EMID1: variants seen among roughly 807,000 people sequenced by gnomAD.
The protein encoded by EMID1 is EMI domain-containing protein 1.
Under a neutral mutation model 60.6 loss-of-function variants are expected in EMID1, and 40 were observed. The ratio of observed to expected loss-of-function variants is 0.66; its 90% CI spans 0.51 to 0.86. The LOEUF (loss-of-function observed/expected upper bound fraction) is 0.86. Ranked by LOEUF, EMID1 falls within the 40% of genes least tolerant of loss-of-function variation. The pLI is 0.00. For synonymous variants in EMID1, 242 were observed against 231.0 expected (o/e 1.05, Z -0.43); for missense variants, 585 against 597.1 (o/e 0.98, Z 0.21).
intron 13 of EMID1, among the ~76,000 whole-genome samples, chr22:29,252,007 C>T (rs1006891616): frequency 6.6e-6 from 1 of 152,162 alleles, no homozygotes; most frequent in African/African-American, 2.4e-5. Flanking sequence ...TGGGGTCTTG[C>T]TATGTTGCCC....
At chr22:29,225,239 G>A in intron 4 of EMID1, 23 bp downstream of exon 4, 2 of 1,612,326 alleles carry the variant, frequency 1.2e-6, no homozygotes, top group East Asian at 2.2e-5. Flanking sequence ...ATAGCTTCTT[G>A]AGGTCCCCCT....
At chr22:29,212,067 C>T (rs1397779402) in intron 1 of EMID1, among the ~76,000 whole-genome samples, 1 of 152,096 alleles carries the variant, frequency 6.6e-6, no homozygotes, top group Non-Finnish European at 1.5e-5. Flanking sequence ...CTCACTGCAA[C>T]CTCTGCCTCC....
intron 2 of EMID1, 138 bp from the exon 3 acceptor site, chr22:29,215,389 G>T (rs1424361263): frequency 7.1e-6 from 9 of 1,266,592 alleles, no homozygotes; most frequent in African/African-American, 1.5e-5. Context: ...ATCCCAAAAT[G>T]CAGGAGAGAG....
chr22:29,215,212 C>T, intron 2 of EMID1, 173 bp downstream of exon 2: 5 of 985,452 alleles, frequency 5.1e-6, no homozygotes, highest in Non-Finnish European at 6.0e-6. Context: ...GCTGTTGAAG[C>T]ACCCTGGAGG....
intron 12 of EMID1, among the ~76,000 whole-genome samples, chr22:29,236,170 G>A (rs1036056183): frequency 6.6e-6 from 1 of 152,092 alleles, no homozygotes; most frequent in Admixed American, 6.6e-5. Flanking sequence ...AAGGCAGGAG[G>A]ATCACTTGAA....
At chr22:29,220,496 G>A (rs1342392334) in intron 3 of EMID1, among the ~76,000 whole-genome samples, 2 of 152,046 alleles carry the variant, frequency 1.3e-5, no homozygotes, top group Non-Finnish European at 2.9e-5. Flanking sequence ...TTCCTTGCAG[G>A]AGACCTGGAC....
Position 29,214,966 on chromosome 22 carries a change from C to T in EMID1, c.142C>T (p.His48Tyr), listed in dbSNP as rs2040027241. 1.3e-6 allele frequency: 2 copies of T among 1,551,554 alleles called. No individual in the cohort carries two copies. Among genetic ancestry groups the T allele is most frequent in the South Asian group, 1.2e-5 (1 of 83,786 alleles). ...TGTGGTGACCCGCACCATCTCATGC[C>T]ATGTGCAGAATGGCACCTACCTTCA... Reference protein sequence around the residue: ...SYVVTRTISCHVQNGTYLQRV... With the variant: ...SYVVTRTISCYVQNGTYLQRV... The change falls in exon 2 of 15, where the codon CAT (histidine) becomes TAT (tyrosine). Residue 48 changes from histidine (H) to tyrosine (Y), a missense_variant. Transcript: ENST00000334018.
At chr22:29,231,916 C>G (rs1331652007) in intron 7 of EMID1, 5 of 562,272 alleles carry the variant, frequency 8.9e-6, no homozygotes, top group Non-Finnish European at 1.6e-5. Context: ...GAGCTGGGCA[C>G]TGGGTGGGGT....
intron 13 of EMID1, among the ~76,000 whole-genome samples, chr22:29,247,752 C>T (rs2041375452): frequency 6.6e-6 from 1 of 152,028 alleles, no homozygotes; most frequent in African/African-American, 2.4e-5. Context: ...GCCTCAGCCT[C>T]CTGGGTAGCT....
At chr22:29,212,951 A>G (rs2039947217) in intron 1 of EMID1, among the ~76,000 whole-genome samples, 2 of 152,366 alleles carry the variant, frequency 1.3e-5, no homozygotes, top group Middle Eastern at 6.8e-3. Flanking sequence ...TGCAGCAAGC[A>G]TGATAAACAT....
rs986976662 is a variant in EMID1, at chr22:29,225,146, T to G, written c.333T>G (p.Ser111=). The change falls in exon 4 of 15, where the codon TCT becomes TCG. Residue 111 remains serine (S), a synonymous_variant. Transcript: ENST00000334018. Reference sequence around the variant, plus strand: ...TCCATCCCTTAGTTGCAGCTTCCTCTGCCTCCTTGGAGCCCATGTGGTCGG... The same window carrying G: ...TCCATCCCTTAGTTGCAGCTTCCTCGGCCTCCTTGGAGCCCATGTGGTCGG... ...GVSCEEVAAS[S]ASLEPMWSGS... is the part of the protein sequence containing the mutation. The G allele has an allele frequency of 6.2e-7, 1 of 1,613,854 alleles. No homozygotes were observed. The highest frequency in any genetic ancestry group is 1.3e-5 in the African/African-American group (1 of 74,940).
intron 13 of EMID1, among the ~76,000 whole-genome samples, chr22:29,249,447 A>G (rs952543588): frequency 6.6e-6 from 1 of 151,946 alleles, no homozygotes; most frequent in South Asian, 2.1e-4. Flanking sequence ...TAATTTTTGT[A>G]CTTTTAGTAA....
rs1356483244 is a variant in EMID1, at chr22:29,206,107, G to C, written c.69G>C (p.Trp23Cys). ...GLLLPGGGAA[W>C]SIGAAPFSGR... ...TGCTCCCGGGAGGCGGCGCTGCGTG[G>C]AGCATCGGGGCAGCTCCGTTCTCCG... The change falls in exon 1 of 15, where the codon TGG becomes TGC. Residue 23 changes from tryptophan (W) to cysteine (C), a missense_variant. Physicochemically the swap from Trp to Cys is radical, Grantham distance 215. Coordinates refer to ENST00000334018, the MANE Select transcript of EMID1 (RefSeq NM_133455.4). The C allele has an allele frequency of 1.3e-5, 16 of 1,230,968 alleles. No individual in the cohort carries two copies. The highest frequency in any genetic ancestry group is 1.6e-5 in the Non-Finnish European group (16 of 987,418). 76.3% of individuals were successfully genotyped at this position (1,230,968 alleles called of 1,614,324 possible).
At chr22:29,254,864 G>C (rs751521877) in intron 14 of EMID1, 1 of 169,606 alleles carries the variant, frequency 5.9e-6, no homozygotes, top group Non-Finnish European at 1.3e-5. Flanking sequence ...GGCCCCAGGG[G>C]ACTCTGGGTA....
At chr22:29,233,535 G>A in intron 9 of EMID1, 67 bp downstream of exon 9, 1 of 1,604,900 alleles carries the variant, frequency 6.2e-7, no homozygotes, top group Middle Eastern at 1.7e-4. Context: ...AGGGTTTGTG[G>A]CTATCAGGAG....
intron 14 of EMID1, among the ~76,000 whole-genome samples, chr22:29,256,231 G>A (rs1265392384): frequency 5.9e-5 from 9 of 152,070 alleles, no homozygotes; most frequent in Non-Finnish European, 1.2e-4. Context: ...CTAGCACTTT[G>A]GGAGGCCGAG....
At chr22:29,220,957 G>A (rs79272507) in intron 3 of EMID1, among the ~76,000 whole-genome samples, 2,359 of 152,188 alleles carry the variant, frequency 0.016, 64 homozygotes, top group African/African-American at 0.053. Flanking sequence ...GATGAGCTTC[G>A]AAGGGGCTTT....
At chr22:29,255,210 T>G in intron 14 of EMID1, 7 of 180,644 alleles carry the variant, frequency 3.9e-5, no homozygotes, top group Non-Finnish European at 8.1e-5. Context: ...CCCGCTTGGC[T>G]CCCCAGCCCA....
At chr22:29,232,194 C>T (rs989805948) in intron 7 of EMID1, 62 bp from the exon 8 acceptor site, 2 of 1,606,024 alleles carry the variant, frequency 1.2e-6, no homozygotes, top group Non-Finnish European at 1.7e-6. Context: ...TCCTGTCGCT[C>T]AAGGCCACCC....
Sources: allele counts gnomAD v4.1 joint callset (sites outside exome capture counted in the v4.1 genomes callset), GRCh38; gene constraint gnomAD v4.1.1; transcripts MANE v1.5; gene names NCBI Gene and HGNC (gene_info 2026-07-23, HGNC 2026-07-21).